The following JAKMIP3 variants were observed in gnomAD, a reference collection of about 807,000 sequenced individuals.
JAKMIP3 encodes the protein Janus kinase and microtubule interacting protein 3, also known as janus kinase and microtubule-interacting protein 3.
In JAKMIP3, 58 loss-of-function variants were observed where a neutral mutation model predicts 118.5. The ratio of observed to expected loss-of-function variants is 0.49; its 90% CI spans 0.40 to 0.61. The LOEUF (loss-of-function observed/expected upper bound fraction) is 0.61. Among genes scored for constraint, JAKMIP3 ranks in the 20% least tolerant of loss-of-function variants. The pLI is 0.00. For missense variants in JAKMIP3, 950 were observed against 1,109.0 expected (o/e 0.86, Z 2.04); for synonymous variants, 486 against 451.2 (o/e 1.08, Z -0.98).
chr10:132,146,929 C>T (rs1022223899), intron 13 of JAKMIP3, among the ~76,000 whole-genome samples: 22 of 152,122 alleles, frequency 1.4e-4, no homozygotes, highest in Non-Finnish European at 3.1e-4. Flanking sequence ...CACTTGAACA[C>T]GCACACACGT....
chr10:132,153,116 C>A (rs1389958323), intron 17 of JAKMIP3, 93 bp downstream of exon 17: 1 of 1,061,760 alleles, frequency 9.4e-7, no homozygotes, highest in Non-Finnish European at 1.4e-6. Context: ...GGGAGGAGGG[C>A]CTGCAGGGCC....
chr10:132,133,984 G>A (rs114946861), intron 4 of JAKMIP3, among the ~76,000 whole-genome samples: 5 of 152,258 alleles, frequency 3.3e-5, no homozygotes, highest in African/African-American at 9.6e-5. Flanking sequence ...GGTGATTTCC[G>A]GCACTCTCAT....
intron 1 of JAKMIP3, among the ~76,000 whole-genome samples, chr10:132,066,980 G>A (rs1039689701): frequency 2.6e-5 from 4 of 152,080 alleles, no homozygotes; most frequent in African/African-American, 4.8e-5. Flanking sequence ...GTCACAAAAC[G>A]GTTTTCTCAT....
intron 4 of JAKMIP3, among the ~76,000 whole-genome samples, 197 bp from the exon 5 acceptor site, chr10:132,134,844 G>A (rs752742754): frequency 1.3e-5 from 2 of 152,242 alleles, no homozygotes; most frequent in Non-Finnish European, 2.9e-5. Context: ...CGGTTCTGTT[G>A]CCTCACGCGG....
In JAKMIP3 at chr10:132,152,939, G is replaced by A; in HGVS notation, c.2008-19G>A. 1.9e-6 allele frequency: 3 copies of A among 1,593,490 alleles called. No homozygotes were observed. The South Asian group carries it at 3.4e-5, about 18-fold the overall frequency. ...AGGCACTGCTTCTGACCGCACCTGT[G>A]TTCTGCTTTTGGGTGCAGAACCTGA... On this transcript the variant is annotated intron_variant, in intron 16 of 23. Transcript: ENST00000684848.
At position 132,184,521 on chromosome 10, in the gene JAKMIP3, A is replaced by T. The variant is rs1398087966; in HGVS notation, c.*3268A>T. ...TATATTTGTTTACTGTATATTTTTT[A>T]AAAAGCTTTATTGTAAATTTATGCA... On this transcript the variant is annotated 3_prime_UTR_variant, in exon 24 of 24. Coordinates refer to ENST00000684848, the MANE Select transcript of JAKMIP3 (RefSeq NM_001323087.2). The T allele has an allele frequency of 2.6e-5, 4 of 152,332 alleles. No individual in the cohort carries two copies. The highest frequency in any genetic ancestry group is 1.9e-4 in the East Asian group (1 of 5,194). 9.4% of individuals were successfully genotyped at this position (152,332 alleles called of 1,614,324 possible). A position where few individuals can be genotyped will look rare whatever the true frequency, so the allele number is the denominator to read the frequency against.
chr10:132,122,456 C>T (rs931822456), intron 3 of JAKMIP3, among the ~76,000 whole-genome samples: 8 of 152,388 alleles, frequency 5.2e-5, no homozygotes, highest in African/African-American at 1.7e-4. Context: ...CCTCAGTTAG[C>T]CCTGGATGGG....
chr10:132,111,505 C>T (rs1030260257), intron 2 of JAKMIP3, among the ~76,000 whole-genome samples: 1 of 152,050 alleles, frequency 6.6e-6, no homozygotes, highest in Non-Finnish European at 1.5e-5. Flanking sequence ...CAGAAGAGGT[C>T]AGCAGAGGTG....
At chr10:132,143,496 A>G (rs1447286391) in intron 11 of JAKMIP3, among the ~76,000 whole-genome samples, 1 of 152,222 alleles carries the variant, frequency 6.6e-6, no homozygotes, top group African/African-American at 2.4e-5. Flanking sequence ...ACATGGAAGC[A>G]AAGAACTCAG....
intron 16 of JAKMIP3, among the ~76,000 whole-genome samples, chr10:132,150,390 G>A (rs2055869250): frequency 4.6e-5 from 7 of 152,184 alleles, no homozygotes; most frequent in Admixed American, 4.6e-4. Context: ...TTGGCTTGGG[G>A]GAAAAGCAGA....
intron 2 of JAKMIP3, among the ~76,000 whole-genome samples, chr10:132,105,434 G>A (rs947315054): frequency 7.2e-5 from 11 of 152,310 alleles, no homozygotes; most frequent in East Asian, 3.9e-4. Flanking sequence ...GGGCAAGCCC[G>A]GGGGATGGGG....
chr10:132,165,506 A>C (rs2058805141), intron 21 of JAKMIP3, among the ~76,000 whole-genome samples: 1 of 152,160 alleles, frequency 6.6e-6, no homozygotes, highest in African/African-American at 2.4e-5. Flanking sequence ...AGCTCACTGA[A>C]GGGACGGGCT....
chr10:132,045,950 A>T (rs1554910199), intron 1 of JAKMIP3, among the ~76,000 whole-genome samples: 1 of 151,352 alleles, frequency 6.6e-6, no homozygotes, highest in Non-Finnish European at 1.5e-5. Flanking sequence ...AAAAAAAAAT[A>T]CACACACTCT....
chr10:132,126,537 A>G (rs576943378), intron 3 of JAKMIP3, among the ~76,000 whole-genome samples: 9 of 140,636 alleles, frequency 6.4e-5, no homozygotes, highest in African/African-American at 2.4e-4. Flanking sequence ...TCCTGGCTCA[A>G]CTGATCCTCC....
intron 3 of JAKMIP3, among the ~76,000 whole-genome samples, chr10:132,124,511 C>T (rs2049146777): frequency 6.7e-6 from 1 of 149,726 alleles, no homozygotes; most frequent in African/African-American, 2.4e-5. Context: ...ACGCGGTCAC[C>T]CATCCCACCC....
chr10:132,141,847 G>C, intron 10 of JAKMIP3, 73 bp from the exon 11 acceptor site: 2 of 1,523,922 alleles, frequency 1.3e-6, no homozygotes, highest in Non-Finnish European at 1.8e-6. Context: ...AAGCCCCGGG[G>C]CCCCGCCATC....
chr10:132,107,100 G>T (rs1443439821), intron 2 of JAKMIP3, among the ~76,000 whole-genome samples: 1 of 146,740 alleles, frequency 6.8e-6, no homozygotes, highest in East Asian at 2.0e-4. Context: ...TCGCCATTTT[G>T]CCCGGGCTGG....
intron 1 of JAKMIP3, among the ~76,000 whole-genome samples, chr10:132,077,901 T>C (rs554761388): frequency 6.6e-6 from 1 of 152,308 alleles, no homozygotes; most frequent in Non-Finnish European, 1.5e-5. Flanking sequence ...AACCTCCACC[T>C]CCCAGGTTCA....
chr10:132,167,655 C>G (rs1282224326), intron 22 of JAKMIP3, among the ~76,000 whole-genome samples: 2 of 152,168 alleles, frequency 1.3e-5, no homozygotes, highest in African/African-American at 2.4e-5. Context: ...CCTCGGTCCT[C>G]GAGTCTGCAC....
Sources: allele counts gnomAD v4.1 joint callset (sites outside exome capture counted in the v4.1 genomes callset), GRCh38; gene constraint gnomAD v4.1.1; transcripts MANE v1.5; gene names NCBI Gene and HGNC (gene_info 2026-07-23, HGNC 2026-07-21).